The following NWD1 variants were observed in gnomAD, a reference collection of about 807,000 sequenced individuals.
The protein encoded by NWD1 is NACHT and WD repeat domain containing 1, also known as NACHT domain- and WD repeat-containing protein 1.
Under a neutral mutation model 135.1 loss-of-function variants are expected in NWD1, and 129 were observed. The observed-to-expected ratio is 0.96, with a 90% CI of 0.83 to 1.11. NWD1 has a LOEUF of 1.11. Among genes scored for constraint, NWD1 ranks in the 50% least tolerant of loss-of-function variants. The probability of loss-of-function intolerance (pLI) is 0.00; values close to 1 mark genes in which losing one functional copy is unlikely to be tolerated. For synonymous variants in NWD1, 773 were observed against 786.0 expected, an observed-to-expected ratio of 0.98 and a Z score of 0.28; for missense variants, 1,740 against 1,851.3, an observed-to-expected ratio of 0.94 and a Z score of 1.10.
intron 3 of NWD1, among the ~76,000 whole-genome samples, chr19:16,735,859 AAGGAAGG>A (rs1174966478): frequency 0.077 from 2,447 of 31,662 alleles, 31 homozygotes; most frequent in African/African-American, 0.13. Flanking sequence ...GGAAGGAAGG[AAGGAAGG>A]AGGAAGGAAG....
In NWD1 at chr19:16,797,733, C is replaced by T; in HGVS notation, c.3306C>T (p.Gly1102=). The part of the protein sequence containing the change: ...VSEDESLLAA[G]FGRSVRIFLA... ...TAACCCCAGTTCCTGCCGTTTCAGGCTTTGGAAGATCGGTGCGGATATTCT... is the reference window on the plus strand; with the variant it reads ...TAACCCCAGTTCCTGCCGTTTCAGGTTTTGGAAGATCGGTGCGGATATTCT... The change falls in exon 16 of 19, where the codon GGC becomes GGT. Residue 1102 remains glycine, a splice_region_variant and synonymous_variant. Coordinates refer to ENST00000524140, the MANE Select transcript of NWD1 (RefSeq NM_001007525.5). 6.2e-7 allele frequency: 1 copy of T among 1,613,458 alleles called. No homozygotes were observed. The highest frequency in any genetic ancestry group is 8.5e-7 in the Non-Finnish European group (1 of 1,179,576).
Position 16,737,407 on chromosome 19 carries a change from G to A in NWD1, c.198+657G>A, listed in dbSNP as rs1388945075. Among the ~76,000 whole-genome samples, 6 of 152,082 alleles carry A rather than the reference G, an allele frequency of 3.9e-5. No homozygotes were observed. In the South Asian group the frequency reaches 8.3e-4, roughly 21 times the overall value. ...CTCCCAAGTAGCTGGGACTACAGGT[G>A]TGTGCCGCCACAGTTGGCTAGTATT... On this transcript the variant is annotated intron_variant, in intron 4 of 18. Coordinates refer to ENST00000524140, the MANE Select transcript of NWD1 (RefSeq NM_001007525.5).
Position 16,741,565 on chromosome 19 carries a change from C to T in NWD1, c.199-2856C>T, listed in dbSNP as rs2608742. 9.4e-3 allele frequency among the ~76,000 whole-genome samples: 1,427 copies of T among 151,552 alleles called. 17 individuals carry two copies. Among genetic ancestry groups the T allele is most frequent in the African/African-American group, 0.033 (1,356 of 41,398 alleles). On this transcript the variant is annotated intron_variant, in intron 4 of 18. Transcript: ENST00000524140. ...TATATTTTTAATAGATATGGGGTTT[C>T]GCTATGTTGGCCAGGCTGGTCTCGA...
intron 4 of NWD1, among the ~76,000 whole-genome samples, chr19:16,737,797 T>A (rs968413065): frequency 1.3e-5 from 2 of 151,200 alleles, no homozygotes; most frequent in African/African-American, 4.9e-5. Flanking sequence ...CATAGTGAAG[T>A]CCCATATCTA....
In NWD1 at chr19:16,759,528, C is replaced by T. The variant is rs1968929878; in HGVS notation, c.1973+100C>T. On this transcript the variant is annotated intron_variant, in intron 7 of 18. Coordinates refer to ENST00000524140, the MANE Select transcript of NWD1 (RefSeq NM_001007525.5). ...TTCTCAGTATCAGATCCTTCACTTACCATTCCCAGGGAATCAAGTCCAGTT... is the reference window on the plus strand; with the variant it reads ...TTCTCAGTATCAGATCCTTCACTTATCATTCCCAGGGAATCAAGTCCAGTT... 4 of 829,078 alleles carry T rather than the reference C, an allele frequency of 4.8e-6. No individual in the cohort carries two copies. In the Admixed American group the frequency reaches 9.1e-5, roughly 19 times the overall value. 51.4% of individuals were successfully genotyped at this position (829,078 alleles called of 1,614,324 possible). A position where few individuals can be genotyped will look rare whatever the true frequency, so the allele number is the denominator to read the frequency against.
rs1971043068 is a variant in NWD1 at position 16,815,445 on chromosome 19, C to G, written c.*406C>G. On this transcript the variant is annotated 3_prime_UTR_variant, in exon 19 of 19. Transcript: ENST00000524140. ...TGGTGTATATCTGGACCCATGGCTT[C>G]AGATTATGGCTTCAGACCTTGTCTC... The G allele has an allele frequency of 1.7e-6, 1 of 602,270 alleles. No individual in the cohort carries two copies. Among genetic ancestry groups the G allele is most frequent in the Non-Finnish European group, 2.9e-6 (1 of 339,512 alleles). The allele number at this position is 602,270 out of a possible 1,614,324, so 37.3% of individuals were successfully genotyped here.
chr19:16,810,688 T>C (rs1186231920), intron 18 of NWD1, among the ~76,000 whole-genome samples: 2 of 151,684 alleles, frequency 1.3e-5, no homozygotes, highest in African/African-American at 4.8e-5. Flanking sequence ...GATTGAGCCC[T>C]GGAGTTCGAG....
At chr19:16,789,249 A>C (rs1024424492) in intron 13 of NWD1, 59 bp downstream of exon 13, 6 of 1,374,482 alleles carry the variant, frequency 4.4e-6, no homozygotes, top group African/African-American at 1.4e-5. Context: ...TCAAAGACAG[A>C]ATAGGCCATT....
chr19:16,768,910 T>C (rs993895056), intron 10 of NWD1, among the ~76,000 whole-genome samples: 1 of 152,178 alleles, frequency 6.6e-6, no homozygotes, highest in Non-Finnish European at 1.5e-5. Context: ...CTGCTTCTCT[T>C]TATTCTCCTG....
intron 1 of NWD1, among the ~76,000 whole-genome samples, 151 bp downstream of exon 1, chr19:16,720,444 A>G (rs75466454): frequency 6.6e-6 from 1 of 152,210 alleles, no homozygotes; most frequent in African/African-American, 2.4e-5. Context: ...AGCATAGAGC[A>G]CTAAAGTACA....
At position 16,763,893 on chromosome 19, in the gene NWD1, C is replaced by G; in HGVS notation, c.2199C>G (p.Pro733=). Residue 733 remains proline (P), a synonymous_variant, in exon 9 of 19, where the codon CCC becomes CCG. Transcript: ENST00000524140. ...ACCTGCGGAAGCTGAAGGAGTTGCC[C>G]TATCACCTGCTTCACTCGGGCCGCC... ...VANLRKLKEL[P]YHLLHSGRLE... 6.2e-7 allele frequency: 1 copy of G among 1,613,918 alleles called. No homozygotes were observed. Among genetic ancestry groups the G allele is most frequent in the Non-Finnish European group, 8.5e-7 (1 of 1,179,852 alleles).
At chr19:16,759,076 G>A (rs1968907305) in intron 6 of NWD1, 149 bp from the exon 7 acceptor site, 1 of 664,532 alleles carries the variant, frequency 1.5e-6, no homozygotes, top group Non-Finnish European at 2.7e-6. Context: ...ACCGTGCTTG[G>A]TACCTTGTGG....
intron 18 of NWD1, among the ~76,000 whole-genome samples, chr19:16,813,722 C>T (rs981298392): frequency 1.3e-5 from 2 of 151,998 alleles, no homozygotes; most frequent in Non-Finnish European, 2.9e-5. Flanking sequence ...GGTGATCCAC[C>T]CACCTCGGCC....
At chr19:16,778,508 TG>T (rs1300994737) in intron 11 of NWD1, among the ~76,000 whole-genome samples, 5,958 of 119,062 alleles carry the variant, frequency 0.05, 284 homozygotes, top group African/African-American at 0.15. Context: ...TTTTTTTTTT[TG>T]TTGTTGTTGT....
chr19:16,730,733 A>T (rs11672141), intron 2 of NWD1, among the ~76,000 whole-genome samples: 36,772 of 151,814 alleles, frequency 0.24, 5,368 homozygotes, highest in Middle Eastern at 0.4. Context: ...ACATTTTTTT[A>T]AAAATATATA....
At position 16,807,840 on chromosome 19, in the gene NWD1, G is replaced by A. The variant is rs750135719; in HGVS notation, c.3991G>A (p.Asp1331Asn). Residue 1331 changes from aspartate (D) to asparagine (N), a missense_variant, in exon 18 of 19, where the codon GAC becomes AAC. Asp to Asn is a conservative substitution (Grantham distance 23). Coordinates refer to ENST00000524140, the MANE Select transcript of NWD1 (RefSeq NM_001007525.5). ...IVLVLDITSG[D>N]PCPVIDGPRY... Reference sequence around the variant, plus strand: ...CCTGGTGCTGGACATCACCTCCGGGGACCCCTGCCCGGTCATCGATGGGCC... The same window carrying A: ...CCTGGTGCTGGACATCACCTCCGGGAACCCCTGCCCGGTCATCGATGGGCC... 47 of 1,614,032 alleles carry A rather than the reference G, an allele frequency of 2.9e-5. 1 individual carries two copies. The South Asian group carries it at 5.1e-4, about 17-fold the overall frequency.
At chr19:16,812,713 AAAAG>A (rs1262219562) in intron 18 of NWD1, 2 of 780,190 alleles carry the variant, frequency 2.6e-6, no homozygotes, top group South Asian at 2.7e-5. Context: ...AAACCCAAGA[AAAAG>A]AGAGATCATA....
At chr19:16,802,468 A>G (rs1970631651) in intron 17 of NWD1, among the ~76,000 whole-genome samples, 1 of 147,314 alleles carries the variant, frequency 6.8e-6, no homozygotes, top group African/African-American at 2.5e-5. Flanking sequence ...TCAATTAAAA[A>G]AAAAAAAAAA....
intron 6 of NWD1, among the ~76,000 whole-genome samples, chr19:16,753,847 A>ATCCG (rs1338709160): frequency 2.1e-5 from 3 of 143,470 alleles, no homozygotes; most frequent in Admixed American, 6.9e-5. Context: ...CCATCCATCC[A>ATCCG]TCCATCCATC....
Sources: allele counts gnomAD v4.1 joint callset (sites outside exome capture counted in the v4.1 genomes callset), GRCh38; gene constraint gnomAD v4.1.1; transcripts MANE v1.5; gene names NCBI Gene and HGNC (gene_info 2026-07-23, HGNC 2026-07-21).